Variants in NELL1 observed in about 807,000 individuals in gnomAD.
NELL1 encodes the protein neural EGFL like 1, also known as protein kinase C-binding protein NELL1.
NELL1 carries 76 observed loss-of-function variants against 107.4 expected under a neutral mutation model. The observed-to-expected ratio is 0.71, with a 90% CI of 0.59 to 0.86. The LOEUF (loss-of-function observed/expected upper bound fraction) is 0.86, where lower values mean the gene tolerates loss of function less well. Ranked by LOEUF, NELL1 falls within the 40% of genes least tolerant of loss-of-function variation. The probability of loss-of-function intolerance (pLI) is 0.00; values close to 1 mark genes in which losing one functional copy is unlikely to be tolerated. For synonymous variants in NELL1, 353 were observed against 341.2 expected, an observed-to-expected ratio of 1.03 and a Z score of -0.38; for missense variants, 1,024 against 1,005.5, an observed-to-expected ratio of 1.02 and a Z score of -0.25.
chr11:21,502,981 C>T (rs1855181743), intron 15 of NELL1, among the ~76,000 whole-genome samples: 1 of 152,160 alleles, frequency 6.6e-6, no homozygotes, highest in South Asian at 2.1e-4. Context: ...CTCCCGGGTT[C>T]AAGTGATTCT....
rs1231893563 is a variant in NELL1, at chr11:20,755,882, T to C, written c.185-27798T>C. 1.8e-5 allele frequency among the ~76,000 whole-genome samples: 2 copies of C among 114,190 alleles called. 1 individual carries two copies. The highest frequency in any genetic ancestry group is 5.3e-4 in the South Asian group (2 of 3,786). 74.9% of individuals were successfully genotyped at this position (114,190 alleles called of 152,430 possible). A position where few individuals can be genotyped will look rare whatever the true frequency, so the allele number is the denominator to read the frequency against. ...GACCTGCGGTTTTTTTTTTTTTTTTTTTTTTTTTTTTTTTTTTTTTTTTTT... is the reference window on the plus strand; with the variant it reads ...GACCTGCGGTTTTTTTTTTTTTTTTCTTTTTTTTTTTTTTTTTTTTTTTTT... On this transcript the variant is annotated intron_variant, in intron 2 of 19. Transcript: ENST00000357134.
At chr11:20,783,584 A>T in intron 2 of NELL1, 96 bp from the exon 3 acceptor site, 11 of 765,370 alleles carry the variant, frequency 1.4e-5, no homozygotes, top group Admixed American at 3.2e-5. Context: ...CTTCCTTCTC[A>T]TCTCCCCTCT....
intron 15 of NELL1, among the ~76,000 whole-genome samples, chr11:21,531,168 C>T (rs1328827214): frequency 2.0e-5 from 3 of 152,086 alleles, no homozygotes; most frequent in South Asian, 2.1e-4. Context: ...AAATACAAAA[C>T]ACAAACACAC....
chr11:20,894,488 A>T (rs1454820206), intron 5 of NELL1, among the ~76,000 whole-genome samples: 1 of 152,246 alleles, frequency 6.6e-6, no homozygotes, highest in Non-Finnish European at 1.5e-5. Context: ...ACTTCACAAA[A>T]GGGAATGTCC....
chr11:20,957,093 C>G (rs1376398552), intron 11 of NELL1, among the ~76,000 whole-genome samples: 2 of 152,100 alleles, frequency 1.3e-5, no homozygotes, highest in African/African-American at 2.4e-5. Flanking sequence ...TTTCGAGTCT[C>G]TGGTGGTTTA....
chr11:20,672,970 GCCCCCCCC>G (rs10592573), intron 1 of NELL1, among the ~76,000 whole-genome samples: 6,970 of 100,890 alleles, frequency 0.069, 1,148 homozygotes, highest in East Asian at 0.2. Flanking sequence ...TCCTGCCTCA[GCCCCCCCC>G]CCCCCCCCCG....
At chr11:20,877,880 A>G (rs1849335463) in intron 4 of NELL1, among the ~76,000 whole-genome samples, 1 of 152,228 alleles carries the variant, frequency 6.6e-6, no homozygotes, top group Non-Finnish European at 1.5e-5. Flanking sequence ...TAAAGGCTCA[A>G]GTGAATACAA....
At chr11:20,743,139 G>C (rs972594859) in intron 2 of NELL1, among the ~76,000 whole-genome samples, 8 of 151,926 alleles carry the variant, frequency 5.3e-5, no homozygotes, top group Admixed American at 4.6e-4. Flanking sequence ...TATCACTTAA[G>C]GTCAGGAGTT....
At chr11:20,896,686 C>T (rs1849745237) in intron 5 of NELL1, among the ~76,000 whole-genome samples, 1 of 152,156 alleles carries the variant, frequency 6.6e-6, no homozygotes, top group Admixed American at 6.5e-5. Context: ...CCAGAATCTC[C>T]TTAAGCTGAT....
chr11:20,751,882 A>G (rs1328908505), intron 2 of NELL1, among the ~76,000 whole-genome samples: 2 of 152,186 alleles, frequency 1.3e-5, no homozygotes, highest in East Asian at 3.8e-4. Flanking sequence ...TTACTATTTC[A>G]TAGAATTGCA....
intron 4 of NELL1, among the ~76,000 whole-genome samples, chr11:20,878,328 C>T (rs1450634020): frequency 8.4e-6 from 1 of 119,602 alleles, no homozygotes; most frequent in African/African-American, 2.9e-5. Context: ...CACTGCACTT[C>T]AGCCTGGGGG....
chr11:21,486,556 A>G (rs1271368176), intron 15 of NELL1, among the ~76,000 whole-genome samples: 1 of 152,170 alleles, frequency 6.6e-6, no homozygotes, highest in Non-Finnish European at 1.5e-5. Context: ...TAAGGAAACC[A>G]AAAACATGGA....
chr11:21,108,663 T>C (rs111226155), intron 12 of NELL1, among the ~76,000 whole-genome samples: 25 of 152,268 alleles, frequency 1.6e-4, no homozygotes, highest in African/African-American at 6.0e-4. Context: ...GTCTCAAGCG[T>C]TATGAGTAGA....
rs141946629 is a variant in NELL1, at chr11:20,884,787, C to A, written c.507-657C>A. The stretch of plus-strand genomic sequence containing the variant: ...TTACTTTTCCTCCATGAGAGTGGGA[C>A]CTTGTGTGTCTGGTTTCTTGCTCTA... On this transcript the variant is annotated intron_variant, in intron 4 of 19. Coordinates refer to ENST00000357134, the MANE Select transcript of NELL1 (RefSeq NM_006157.5). Among the ~76,000 whole-genome samples, 5 of 152,214 alleles carry A rather than the reference C, an allele frequency of 3.3e-5. No individual in the cohort carries two copies. In the East Asian group the frequency reaches 9.7e-4, roughly 29 times the overall value.
chr11:20,922,919 T>C (rs1429777886), intron 7 of NELL1, among the ~76,000 whole-genome samples: 1 of 152,182 alleles, frequency 6.6e-6, no homozygotes, highest in Non-Finnish European at 1.5e-5. Flanking sequence ...ACAAATGTCA[T>C]TCAATAGGTG....
intron 2 of NELL1, among the ~76,000 whole-genome samples, chr11:20,709,096 G>C (rs1855047587): frequency 1.3e-5 from 2 of 152,168 alleles, no homozygotes; most frequent in African/African-American, 4.8e-5. Flanking sequence ...GTGTGGCCCG[G>C]TTCCTGACAA....
rs767972386 is a variant in NELL1, at chr11:20,947,385, C to T, written c.1121C>T (p.Ser374Leu). The change falls in exon 11 of 20, where the codon TCA becomes TTA. Residue 374 changes from serine to leucine, a missense_variant. Physicochemically the swap from Ser to Leu is moderately radical, Grantham distance 145. Coordinates refer to ENST00000357134, the MANE Select transcript of NELL1 (RefSeq NM_006157.5). Reference sequence around the variant, plus strand: ...GAAATGTGTCCTCCTTTGAACTGCTCAGAAAAGGATCACATTCTTCCTGAG... The same window carrying T: ...GAAATGTGTCCTCCTTTGAACTGCTTAGAAAAGGATCACATTCTTCCTGAG... ...ITEMCPPLNC[S>L]EKDHILPENQ... 6.2e-7 allele frequency: 1 copy of T among 1,614,016 alleles called. No individual in the cohort carries two copies. The highest frequency in any genetic ancestry group is 8.5e-7 in the Non-Finnish European group (1 of 1,179,960).
intron 12 of NELL1, among the ~76,000 whole-genome samples, chr11:21,008,908 G>C (rs942723049): frequency 1.3e-5 from 2 of 152,132 alleles, no homozygotes; most frequent in Non-Finnish European, 2.9e-5. Context: ...CTAAAATACT[G>C]TTGGTTTCGA....
At chr11:21,182,018 A>G (rs1035325462) in intron 13 of NELL1, among the ~76,000 whole-genome samples, 1 of 151,970 alleles carries the variant, frequency 6.6e-6, no homozygotes, top group Non-Finnish European at 1.5e-5. Flanking sequence ...CCAATGTAAT[A>G]GATAAGAATA....
Sources: gnomAD v4.1 joint callset for allele counts (sites outside exome capture counted in the v4.1 genomes callset) on GRCh38, gnomAD v4.1.1 for gene constraint, MANE v1.5 for transcripts, NCBI Gene and HGNC (gene_info 2026-07-23, HGNC 2026-07-21) for gene names.